Variants in PHF14 observed in about 807,000 individuals in gnomAD.
The protein encoded by PHF14 is PHD finger protein 14.
A neutral mutation model predicts 117.9 loss-of-function variants in PHF14; 55 were observed. The ratio of observed to expected loss-of-function variants is 0.47; its 90% CI spans 0.38 to 0.58. The LOEUF (loss-of-function observed/expected upper bound fraction) is 0.58. Ranked by LOEUF, PHF14 falls within the 20% of genes least tolerant of loss-of-function variation. The pLI is 0.00. For missense variants in PHF14, 978 were observed against 1,122.2 expected, an observed-to-expected ratio of 0.87 and a Z score of 1.84; for synonymous variants, 409 against 368.6, an observed-to-expected ratio of 1.11 and a Z score of -1.26.
chr7:11,105,904 T>G (rs1307246282), intron 16 of PHF14: 1 of 982,602 alleles, frequency 1.0e-6, no homozygotes, highest in African/African-American at 1.8e-5. Context: ...ACACTATTGA[T>G]TAGAGCATAA....
Position 11,037,084 on chromosome 7 carries a change from A to G in PHF14, c.1973A>G (p.Tyr658Cys). ...ENEQEKLHVE[Y>C]NKLCESLEEL... The stretch of plus-strand genomic sequence containing the variant: ...GAACAAGAAAAGCTTCATGTAGAAT[A>G]TAATAAGGTAAGTTAGCTACAAAAT... The change falls in exon 10 of 18, where the codon TAT becomes TGT. Residue 658 changes from tyrosine (Y) to cysteine (C), a missense_variant. Tyr to Cys is a radical substitution (Grantham distance 194). Around this residue, in one of 7 missense-constraint regions of PHF14, gnomAD observed 237 missense variants for 276.4 expected, o/e 0.86. Transcript: ENST00000634607. The G allele has an allele frequency of 6.7e-7, 1 of 1,489,710 alleles. No homozygotes were observed. The highest frequency in any genetic ancestry group is 9.1e-7 in the Non-Finnish European group (1 of 1,098,258). 92.3% of individuals were successfully genotyped at this position (1,489,710 alleles called of 1,614,324 possible). A position where few individuals can be genotyped will look rare whatever the true frequency, so the allele number is the denominator to read the frequency against.
intron 17 of PHF14, among the ~76,000 whole-genome samples, chr7:11,133,498 A>C (rs993189542): frequency 1.3e-5 from 2 of 151,958 alleles, no homozygotes; most frequent in African/African-American, 4.8e-5. Context: ...GTTGGGCATT[A>C]GATTGAGACC....
intron 17 of PHF14, among the ~76,000 whole-genome samples, chr7:11,161,911 A>G (rs369413654): frequency 6.6e-6 from 1 of 150,628 alleles, no homozygotes; most frequent in Non-Finnish European, 1.5e-5. Context: ...TATTTCCCAG[A>G]TATTAGTAGT....
chr7:11,046,715 A>G (rs1317130074), intron 13 of PHF14, among the ~76,000 whole-genome samples: 1 of 152,196 alleles, frequency 6.6e-6, no homozygotes, highest in Non-Finnish European at 1.5e-5. Flanking sequence ...TGCCCTTCAA[A>G]GAGATACCCA....
chr7:11,092,323 G>T (rs1463337572), intron 16 of PHF14, among the ~76,000 whole-genome samples: 1 of 152,172 alleles, frequency 6.6e-6, no homozygotes, highest in African/African-American at 2.4e-5. Context: ...AAGGGTTTCT[G>T]TTTTAAAATT....
chr7:11,102,947 A>G, intron 16 of PHF14: 7 of 1,041,914 alleles, frequency 6.7e-6, no homozygotes, highest in Non-Finnish European at 6.9e-6. Context: ...AATAAATACA[A>G]TATGCTACTC....
intron 4 of PHF14, among the ~76,000 whole-genome samples, chr7:11,005,941 C>T (rs780684092): frequency 6.6e-5 from 10 of 151,632 alleles, no homozygotes; most frequent in Non-Finnish European, 8.8e-5. Context: ...TACAGGCATG[C>T]GCCACCTCAC....
chr7:11,130,545 A>G lies in PHF14; in HGVS notation c.2772+19078A>G, dbSNP rs1263211507. On this transcript the variant is annotated intron_variant, in intron 17 of 17. Coordinates refer to ENST00000634607, the MANE Select transcript of PHF14 (RefSeq NM_001007157.2). This position sits in a 1 kb window ranked among gnomAD's most constrained non-coding sequence, Gnocchi z 4.2. ...TGAGCAGTTTTAGGTTTATAGAAAA[A>G]TGGAGTTAAAACTACAGATTTCCCA... Among the ~76,000 whole-genome samples the G allele has an allele frequency of 6.6e-6, 1 of 151,774 alleles. No individual in the cohort carries two copies. The highest frequency in any genetic ancestry group is 1.5e-5 in the Non-Finnish European group (1 of 67,848).
At chr7:11,099,969 A>T (rs1787026240) in intron 16 of PHF14, among the ~76,000 whole-genome samples, 1 of 152,100 alleles carries the variant, frequency 6.6e-6, no homozygotes, top group Non-Finnish European at 1.5e-5. Context: ...TTGACTATTG[A>T]CAATTTCTCT....
intron 4 of PHF14, among the ~76,000 whole-genome samples, chr7:10,994,705 G>A (rs1014961950): frequency 2.6e-5 from 4 of 152,090 alleles, no homozygotes; most frequent in Admixed American, 2.6e-4. Context: ...GGCGTGTCCG[G>A]AGTTTGCTCC....
At chr7:10,992,679 CAAAA>C (rs910310163) in intron 4 of PHF14, among the ~76,000 whole-genome samples, 22 of 151,648 alleles carry the variant, frequency 1.5e-4, no homozygotes, top group African/African-American at 5.1e-4. Flanking sequence ...AACAAACAAA[CAAAA>C]AAAGGCATTC....
Position 11,119,707 on chromosome 7 carries a change from A to G in PHF14, c.2772+8240A>G, listed in dbSNP as rs562866398. ...TTCATAATTTTATAAAATATTTGTT[A>G]AAAAATATTGTTTCCAACCTACATA... On this transcript the variant is annotated intron_variant, in intron 17 of 17. Coordinates refer to ENST00000634607, the MANE Select transcript of PHF14 (RefSeq NM_001007157.2). Among the ~76,000 whole-genome samples the G allele has an allele frequency of 2.4e-4, 36 of 152,024 alleles. No homozygotes were observed. In the South Asian group the frequency reaches 7.3e-3, roughly 31 times the overall value.
intron 17 of PHF14, among the ~76,000 whole-genome samples, chr7:11,153,939 C>CT (rs1788771674): frequency 7.2e-6 from 1 of 138,420 alleles, no homozygotes; most frequent in African/African-American, 2.8e-5. Context: ...TGGTCCCTGT[C>CT]TGTGTGTGCG....
chr7:11,042,728 G>A lies in PHF14; in HGVS notation c.2226G>A (p.Leu742=). 6.3e-7 allele frequency: 1 copy of A among 1,594,218 alleles called. No individual in the cohort carries two copies. The highest frequency in any genetic ancestry group is 8.6e-7 in the Non-Finnish European group (1 of 1,167,690). Residue 742 remains leucine (L), a synonymous_variant, in exon 13 of 18, where the codon TTG becomes TTA. Coordinates refer to ENST00000634607, the MANE Select transcript of PHF14 (RefSeq NM_001007157.2). Reference sequence around the variant, plus strand: ...ACCATGATCAGCATCTTCTTTTATTGTGTGATACCTGTAAACTACATTACC... The same window carrying A: ...ACCATGATCAGCATCTTCTTTTATTATGTGATACCTGTAAACTACATTACC... ...KKNHDQHLLL[L]CDTCKLHYHL... is the part of the protein sequence containing the mutation.
intron 17 of PHF14, among the ~76,000 whole-genome samples, chr7:11,123,687 G>A (rs1787840051): frequency 6.6e-6 from 1 of 152,088 alleles, no homozygotes; most frequent in African/African-American, 2.4e-5. Context: ...GGCTGAGACA[G>A]GAGAATCACT....
intron 2 of PHF14, among the ~76,000 whole-genome samples, chr7:10,976,726 G>A (rs1277041050): frequency 6.6e-6 from 1 of 151,574 alleles, no homozygotes; most frequent in Non-Finnish European, 1.5e-5. Flanking sequence ...TAGTTGAAGA[G>A]AACTGTTATT....
intron 16 of PHF14, among the ~76,000 whole-genome samples, chr7:11,071,636 A>G (rs1480782421): frequency 4.6e-5 from 7 of 152,164 alleles, no homozygotes; most frequent in Admixed American, 2.0e-4. Context: ...GAGTATTTCC[A>G]TCACCTCAAA....
intron 3 of PHF14, 118 bp downstream of exon 3, chr7:10,983,277 A>T (rs753230072): frequency 2.8e-6 from 3 of 1,072,048 alleles, no homozygotes; most frequent in Non-Finnish European, 3.9e-6. Flanking sequence ...CGGCTGTGGG[A>T]TGAATGAGCA....
At chr7:11,149,587 A>G (rs956835080) in intron 17 of PHF14, among the ~76,000 whole-genome samples, 2 of 152,180 alleles carry the variant, frequency 1.3e-5, no homozygotes, top group African/African-American at 2.4e-5. Flanking sequence ...CAAATTACTT[A>G]TTTAATATAT....
Sources: gnomAD v4.1 joint callset for allele counts (sites outside exome capture counted in the v4.1 genomes callset) on GRCh38, gnomAD v4.1.1 for gene constraint, gnomAD v4.1.1 regional missense constraint, Gnocchi (gnomAD v3.1) non-coding constraint, MANE v1.5 for transcripts, NCBI Gene and HGNC (gene_info 2026-07-23, HGNC 2026-07-21) for gene names.